The following CDH4 variants were observed in gnomAD, a reference collection of about 807,000 sequenced individuals.
CDH4 encodes cadherin 4.
A neutral mutation model predicts 86.0 loss-of-function variants in CDH4; 33 were observed. That is an observed-to-expected ratio of 0.38 (90% confidence interval 0.29 to 0.51). CDH4 has a LOEUF of 0.51. Ranked by LOEUF, CDH4 falls within the 20% of genes least tolerant of loss-of-function variation. The pLI is 0.86. For synonymous variants in CDH4, 555 were observed against 549.4 expected, an observed-to-expected ratio of 1.01 and a Z score of -0.14; for missense variants, 1,114 against 1,307.4, an observed-to-expected ratio of 0.85 and a Z score of 2.28.
At chr20:61,329,873 T>G (rs1318358205) in intron 2 of CDH4, among the ~76,000 whole-genome samples, 1 of 73,440 alleles carries the variant, frequency 1.4e-5, no homozygotes, top group African/African-American at 5.3e-5. Flanking sequence ...CAGGCCCCAG[T>G]GTATGTTGTT....
chr20:61,507,426 G>A (rs944792564), intron 2 of CDH4, among the ~76,000 whole-genome samples: 2 of 152,182 alleles, frequency 1.3e-5, no homozygotes, highest in African/African-American at 4.8e-5. Flanking sequence ...CCGGGAGCAC[G>A]GGAGATCGCT....
intron 2 of CDH4, among the ~76,000 whole-genome samples, chr20:61,528,941 G>A (rs73152010): frequency 0.056 from 8,582 of 152,146 alleles, 290 homozygotes; most frequent in Middle Eastern, 0.088. Context: ...CTGATGTGGG[G>A]AATTAGACAT....
chr20:61,477,593 C>A (rs2085545792), intron 2 of CDH4, among the ~76,000 whole-genome samples: 1 of 152,228 alleles, frequency 6.6e-6, no homozygotes, highest in Non-Finnish European at 1.5e-5. Context: ...CTTCCTTGAG[C>A]TCAGTCTGCT....
At chr20:61,564,833 C>T (rs1441576476) in intron 2 of CDH4, among the ~76,000 whole-genome samples, 2 of 152,092 alleles carry the variant, frequency 1.3e-5, no homozygotes, top group African/African-American at 4.8e-5. Flanking sequence ...AACAAGCAGC[C>T]CTTCCCATAG....
At chr20:61,856,940 C>A (rs771962909) in intron 6 of CDH4, among the ~76,000 whole-genome samples, 3 of 152,356 alleles carry the variant, frequency 2.0e-5, no homozygotes, top group Non-Finnish European at 2.9e-5. Context: ...TCTCCCCGGC[C>A]GGTTTTCAAC....
chr20:61,509,187 G>A (rs1277538132), intron 2 of CDH4, among the ~76,000 whole-genome samples: 3 of 152,080 alleles, frequency 2.0e-5, no homozygotes, highest in Non-Finnish European at 4.4e-5. Context: ...CCTCTGAGAC[G>A]GCAGAGGACT....
At chr20:61,833,088 G>A (rs544780723) in intron 4 of CDH4, among the ~76,000 whole-genome samples, 7 of 152,056 alleles carry the variant, frequency 4.6e-5, no homozygotes, top group South Asian at 4.2e-4. Context: ...GACTGAGCAC[G>A]GTACTCAGCC....
chr20:61,881,364 G>A (rs903107118), intron 7 of CDH4, among the ~76,000 whole-genome samples: 1 of 152,240 alleles, frequency 6.6e-6, no homozygotes, highest in Admixed American at 6.5e-5. Context: ...AGTGCCAAGT[G>A]TGGTCCCGGG....
chr20:61,566,410 T>A (rs1211857308), intron 2 of CDH4, among the ~76,000 whole-genome samples: 1 of 152,184 alleles, frequency 6.6e-6, no homozygotes, highest in Non-Finnish European at 1.5e-5. Context: ...AAAAATGAAT[T>A]ACAAACTGGC....
rs1223383003 is a variant in CDH4, at chr20:61,810,066, GTTTC to G, written c.577-34600_577-34597del. Among the ~76,000 whole-genome samples the G allele has an allele frequency of 6.6e-6, 1 of 152,222 alleles. No homozygotes were observed. The highest frequency in any genetic ancestry group is 2.4e-5 in the African/African-American group (1 of 41,456). ...CTCAGTGACATCCAACCACAAGTGT[GTTTC>G]TCACACATCCAGAGGTTTGGCTAGC... is the stretch of plus-strand genomic sequence containing the variant. On this transcript the variant is annotated intron_variant, in intron 4 of 15. Transcript: ENST00000614565. The surrounding 1 kb of genome is among the most constrained non-coding windows in gnomAD (Gnocchi z 4.3).
At chr20:61,932,937 T>C (rs1251512750) in intron 13 of CDH4, 48 bp from the exon 14 acceptor site, 43 of 1,596,802 alleles carry the variant, frequency 2.7e-5, no homozygotes, top group Non-Finnish European at 3.7e-5. Context: ...GAGGCACACA[T>C]GCGCACACCC....
intron 2 of CDH4, among the ~76,000 whole-genome samples, chr20:61,312,345 G>A (rs972155201): frequency 1.1e-4 from 16 of 151,204 alleles, no homozygotes; most frequent in Admixed American, 2.0e-4. Flanking sequence ...ATATGTGTGC[G>A]ATGTGTACAT....
intron 2 of CDH4, among the ~76,000 whole-genome samples, chr20:61,366,943 T>G (rs1234485443): frequency 6.6e-6 from 1 of 152,062 alleles, no homozygotes; most frequent in East Asian, 1.9e-4. Context: ...GTCATAGCCC[T>G]GGACAACTGG....
intron 15 of CDH4, among the ~76,000 whole-genome samples, chr20:61,934,526 T>C (rs3827116): frequency 0.27 from 40,972 of 152,030 alleles, 5,728 homozygotes; most frequent in Middle Eastern, 0.37. Flanking sequence ...GAGGCGCCAG[T>C]AGCAAGCACA....
chr20:61,524,907 A>G (rs2145632418), intron 2 of CDH4, among the ~76,000 whole-genome samples: 1 of 152,296 alleles, frequency 6.6e-6, no homozygotes, highest in East Asian at 1.9e-4. Context: ...CCAGAATCTC[A>G]TACACAGAAG....
chr20:61,454,587 A>G (rs1221346858), intron 2 of CDH4, among the ~76,000 whole-genome samples: 1 of 152,146 alleles, frequency 6.6e-6, no homozygotes, highest in Non-Finnish European at 1.5e-5. Context: ...CTGGGACTAC[A>G]GGCGCCTGCC....
At chr20:61,659,195 C>T (rs959746425) in intron 2 of CDH4, among the ~76,000 whole-genome samples, 3 of 152,158 alleles carry the variant, frequency 2.0e-5, no homozygotes, top group African/African-American at 7.2e-5. Flanking sequence ...CTGCACCACC[C>T]GTGACACTCG....
At chr20:61,916,208 G>T (rs535818433) in intron 9 of CDH4, among the ~76,000 whole-genome samples, 23 of 152,030 alleles carry the variant, frequency 1.5e-4, no homozygotes, top group South Asian at 1.0e-3. Flanking sequence ...GGGGAGTGGC[G>T]GGTGGTGTGG....
intron 2 of CDH4, among the ~76,000 whole-genome samples, chr20:61,296,503 A>T (rs1250991890): frequency 6.6e-6 from 1 of 152,060 alleles, no homozygotes; most frequent in African/African-American, 2.4e-5. Flanking sequence ...CTTTAAAATT[A>T]TGGGCCAGGA....
Sources: gnomAD v4.1 joint callset for allele counts (sites outside exome capture counted in the v4.1 genomes callset) on GRCh38, gnomAD v4.1.1 for gene constraint, Gnocchi (gnomAD v3.1) non-coding constraint, MANE v1.5 for transcripts, NCBI Gene and HGNC (gene_info 2026-07-23, HGNC 2026-07-21) for gene names.